CCNH: variants seen among roughly 807,000 people sequenced by gnomAD.
CCNH encodes cyclin-H.
CCNH carries 31 observed loss-of-function variants against 41.9 expected under a neutral mutation model. The ratio of observed to expected loss-of-function variants is 0.74; its 90% CI spans 0.56 to 1.00. The LOEUF (loss-of-function observed/expected upper bound fraction) is 1.00. CCNH is among the 50% of genes least tolerant of loss of function. The pLI is 0.00. For synonymous variants in CCNH, 138 were observed against 136.1 expected (o/e 1.01, Z -0.10); for missense variants, 362 against 388.4 (o/e 0.93, Z 0.57).
intron 8 of CCNH, 184 bp downstream of exon 8, chr5:87,394,860 G>A (rs1762796879): frequency 2.9e-6 from 4 of 1,388,176 alleles, no homozygotes; most frequent in Non-Finnish European, 3.7e-6. Flanking sequence ...ATTAAATAAA[G>A]ACAGAAGAGA....
At chr5:87,389,379 C>T (rs886060843), downstream of CCNH, 23 of 1,613,476 alleles carry the variant, frequency 1.4e-5, no homozygotes, top group African/African-American at 2.7e-5. Context: ...TGCAATTTTA[C>T]GATTCCCTTA....
chr5:87,412,394 T>C (rs901900351), intron 1 of CCNH: 4 of 1,186,360 alleles, frequency 3.4e-6, no homozygotes, highest in African/African-American at 3.1e-5. Context: ...TCTTGACAAG[T>C]GAACGGCTCT....
rs543290577 is a variant in CCNH, at chr5:87,338,175, A to G, written c.*91-19278T>C. On this transcript the variant is annotated intron_variant and NMD_transcript_variant, in intron 9 of 9. Transcript: ENST00000645953. Reference sequence around the variant, plus strand: ...TTGTCCGTAATCAGAGAAAGTAGCTATGAATACATTTCTTTTATAAAAGAA... The same window carrying G: ...TTGTCCGTAATCAGAGAAAGTAGCTGTGAATACATTTCTTTTATAAAAGAA... 19 of 1,582,956 alleles carry G rather than the reference A, an allele frequency of 1.2e-5. 1 individual carries two copies. The South Asian group carries it at 1.8e-4, about 15-fold the overall frequency.
In CCNH at chr5:87,376,917, T is replaced by G. The variant is rs200416306; in HGVS notation, n.264A>C. The stretch of plus-strand genomic sequence containing the variant: ...AAAGGAACTTCATGTAGTCTATGCT[T>G]TATCACATGTATGTGGACAAGACCG... On this transcript the variant is annotated non_coding_transcript_exon_variant, in exon 1 of 1. Transcript: ENST00000607486. 7 of 1,610,312 alleles carry G rather than the reference T, an allele frequency of 4.3e-6. No homozygotes were observed. The highest frequency in any genetic ancestry group is 3.3e-5 in the Admixed American group (2 of 59,992).
intron 6 of CCNH, 80 bp downstream of exon 6, chr5:87,401,622 T>C: frequency 1.2e-6 from 1 of 844,132 alleles, no homozygotes; most frequent in Non-Finnish European, 1.9e-6. Context: ...GTTATATTTC[T>C]AGTTAAACAC....
At chr5:87,361,312 C>G (rs927930160) in intron 9 of CCNH, among the ~76,000 whole-genome samples, 1 of 152,150 alleles carries the variant, frequency 6.6e-6, no homozygotes, top group African/African-American at 2.4e-5. Context: ...CTTCTATTTT[C>G]TTATTATTTT....
intron 5 of CCNH, among the ~76,000 whole-genome samples, chr5:87,403,878 G>T (rs1011929912): frequency 7.9e-5 from 12 of 152,310 alleles, no homozygotes; most frequent in African/African-American, 2.9e-4. Flanking sequence ...CTAACACAGA[G>T]ATTTATCTTA....
chr5:87,392,417 T>C (rs948150078), downstream of CCNH: 13 of 450,556 alleles, frequency 2.9e-5, no homozygotes, highest in South Asian at 2.0e-4. Context: ...ATGCTCCTTT[T>C]CCTTGAAATC....
At chr5:87,366,529 G>A (rs1760531130) in intron 9 of CCNH, 2 of 201,030 alleles carry the variant, frequency 9.9e-6, no homozygotes, top group South Asian at 1.6e-4. Flanking sequence ...TGTCTGGTAG[G>A]GGGAAAGCAA....
intron 9 of CCNH, chr5:87,369,690 GTAT>G: frequency 1.4e-6 from 1 of 706,344 alleles, no homozygotes; most frequent in Non-Finnish European, 2.4e-6. Flanking sequence ...GTACAATGGA[GTAT>G]TATTTCTTTA....
chr5:87,337,586 C>G (rs1442718440), intron 9 of CCNH, among the ~76,000 whole-genome samples: 2 of 152,068 alleles, frequency 1.3e-5, no homozygotes, highest in Admixed American at 6.5e-5. Context: ...ATCTACCCTA[C>G]ATCTGAAAGA....
chr5:87,408,523 T>C (rs867915875), intron 3 of CCNH, among the ~76,000 whole-genome samples: 5 of 152,130 alleles, frequency 3.3e-5, no homozygotes, highest in African/African-American at 1.2e-4. Flanking sequence ...ATAATGTAGA[T>C]GGAAGAGTTA....
chr5:87,322,296 C>T (rs1449523436), intron 9 of CCNH, among the ~76,000 whole-genome samples: 1 of 152,158 alleles, frequency 6.6e-6, no homozygotes, highest in Non-Finnish European at 1.5e-5. Context: ...ATCAGCAGAG[C>T]TTAGATCAGC....
intron 9 of CCNH, chr5:87,366,521 T>G (rs1229761566): frequency 4.9e-6 from 1 of 203,928 alleles, no homozygotes; most frequent in Non-Finnish European, 1.1e-5. Flanking sequence ...GGAGTTTCTG[T>G]CTGGTAGGGG....
At chr5:87,372,075 T>TA, downstream of CCNH, 1 of 1,529,770 alleles carries the variant, frequency 6.5e-7, no homozygotes, top group Admixed American at 1.9e-5. Flanking sequence ...GGAAGCCAAA[T>TA]AAACTAGTGT....
At chr5:87,333,360 G>A (rs1211374085) in intron 9 of CCNH, 8 of 1,610,754 alleles carry the variant, frequency 5.0e-6, no homozygotes, top group East Asian at 4.5e-5. Context: ...CTATTCTCAT[G>A]TATAGGCATT....
chr5:87,353,034 G>T, intron 9 of CCNH: 1 of 684,710 alleles, frequency 1.5e-6, no homozygotes, highest in Middle Eastern at 4.0e-4. Context: ...TAATGTATTT[G>T]TGTTATGTGC....
chr5:87,355,281 ACT>A (rs1408559171), intron 9 of CCNH, among the ~76,000 whole-genome samples: 1 of 152,088 alleles, frequency 6.6e-6, no homozygotes, highest in Non-Finnish European at 1.5e-5. Context: ...AGGCTGACTG[ACT>A]CTTTTCAGGG....
At chr5:87,361,029 T>TAC (rs1458951230) in intron 9 of CCNH, among the ~76,000 whole-genome samples, 2 of 152,080 alleles carry the variant, frequency 1.3e-5, no homozygotes, top group East Asian at 3.9e-4. Flanking sequence ...CACACACACA[T>TAC]ACACACACAC....
Sources: gnomAD v4.1 joint callset for allele counts (sites outside exome capture counted in the v4.1 genomes callset) on GRCh38, gnomAD v4.1.1 for gene constraint, MANE v1.5 for transcripts, NCBI Gene and HGNC (gene_info 2026-07-23, HGNC 2026-07-21) for gene names.